The following TAX1BP1 variants were observed in gnomAD, a reference collection of about 807,000 sequenced individuals.
The protein encoded by TAX1BP1 is tax1-binding protein 1.
Under a neutral mutation model 97.7 loss-of-function variants are expected in TAX1BP1, and 62 were observed. That is an observed-to-expected ratio of 0.63 (90% CI 0.52 to 0.78). TAX1BP1 has a LOEUF of 0.78. Among genes scored for constraint, TAX1BP1 ranks in the 30% least tolerant of loss-of-function variants. TAX1BP1 has a pLI of 0.00. For missense variants in TAX1BP1, 867 were observed against 916.1 expected (o/e 0.95, Z 0.69); for synonymous variants, 340 against 304.2 (o/e 1.12, Z -1.23).
chr7:27,809,352 T>C (rs1790464702), intron 13 of TAX1BP1, among the ~76,000 whole-genome samples: 1 of 152,154 alleles, frequency 6.6e-6, no homozygotes, highest in African/African-American at 2.4e-5. Flanking sequence ...ACCACAACCA[T>C]TACTGTGTTT....
intron 3 of TAX1BP1, among the ~76,000 whole-genome samples, chr7:27,759,934 ATC>A (rs1043479910): frequency 8.6e-5 from 13 of 151,524 alleles, no homozygotes; most frequent in African/African-American, 3.2e-4. Flanking sequence ...GTTCACTGCA[ATC>A]TCTGCCTGCT....
chr7:27,753,247 C>A (rs1002842141), intron 2 of TAX1BP1, among the ~76,000 whole-genome samples: 1 of 152,084 alleles, frequency 6.6e-6, no homozygotes, highest in Non-Finnish European at 1.5e-5. Context: ...TTGCAGTGAG[C>A]AGAGATTGTA....
chr7:27,816,729 A>G (rs760457420), intron 14 of TAX1BP1, among the ~76,000 whole-genome samples, 161 bp from the exon 15 acceptor site: 1 of 152,242 alleles, frequency 6.6e-6, no homozygotes, highest in Non-Finnish European at 1.5e-5. Context: ...TACTTATTGC[A>G]TATAGTTCAC....
chr7:27,747,266 C>T (rs769634430), intron 1 of TAX1BP1, among the ~76,000 whole-genome samples: 4 of 152,006 alleles, frequency 2.6e-5, no homozygotes, highest in Non-Finnish European at 5.9e-5. Context: ...TTGGGTAAAT[C>T]CTCATTTGTT....
chr7:27,799,529 G>T (rs1315597128), intron 12 of TAX1BP1, among the ~76,000 whole-genome samples: 1 of 152,114 alleles, frequency 6.6e-6, no homozygotes, highest in Non-Finnish European at 1.5e-5. Flanking sequence ...TAGTGTTCCA[G>T]AAATGAAGAG....
At chr7:27,762,429 C>T (rs2128310600) in intron 3 of TAX1BP1, among the ~76,000 whole-genome samples, 1 of 152,056 alleles carries the variant, frequency 6.6e-6, no homozygotes, top group East Asian at 1.9e-4. Context: ...TAAGTGGTGA[C>T]TCACACCTGT....
intron 8 of TAX1BP1, 121 bp downstream of exon 8, chr7:27,787,724 C>A: frequency 1.1e-6 from 1 of 910,868 alleles, no homozygotes; most frequent in Non-Finnish European, 1.6e-6. Context: ...ACTTACAAAA[C>A]AGTTGGAAGA....
Position 27,817,151 on chromosome 7 carries a change from G to A in TAX1BP1, c.2085+113G>A, listed in dbSNP as rs533777090. ...CTTTGTGCGTGCATGCGTGTGTGTG[G>A]AAGGAGAGTGTGTGCTTGTGCCTGC... is the stretch of plus-strand genomic sequence containing the variant. On this transcript the variant is annotated intron_variant, in intron 15 of 16. Transcript: ENST00000396319. 1.6e-4 allele frequency: 201 copies of A among 1,281,726 alleles called. 1 individual carries two copies. In the African/African-American group the frequency reaches 2.8e-3, roughly 18 times the overall value. 79.4% of individuals were successfully genotyped at this position (1,281,726 alleles called of 1,614,324 possible). A position where few individuals can be genotyped will look rare whatever the true frequency, so the allele number is the denominator to read the frequency against.
intron 13 of TAX1BP1, among the ~76,000 whole-genome samples, chr7:27,806,334 C>T (rs1238515491): frequency 6.6e-6 from 1 of 151,990 alleles, no homozygotes; most frequent in Non-Finnish European, 1.5e-5. Context: ...GATCCACCCG[C>T]CTCAGCCTTC....
Position 27,787,573 on chromosome 7 carries a change from A to G in TAX1BP1, c.1008A>G (p.Gln336=). 2 of 1,611,928 alleles carry G rather than the reference A, an allele frequency of 1.2e-6. No individual in the cohort carries two copies. The highest frequency in any genetic ancestry group is 1.7e-6 in the Non-Finnish European group (2 of 1,179,076). Reference sequence around the variant, plus strand: ...GTTTGGCTGAAAAGGAAAATCTGCAAAGAACTTTCCTGCTTACAACCTCAA... The same window carrying G: ...GTTTGGCTGAAAAGGAAAATCTGCAGAGAACTTTCCTGCTTACAACCTCAA... The part of the protein sequence containing the change: ...QLCLAEKENL[Q]RTFLLTTSSK... The change falls in exon 8 of 17, where the codon CAA becomes CAG. Residue 336 remains glutamine (Q), a synonymous_variant. Coordinates refer to ENST00000396319, the MANE Select transcript of TAX1BP1 (RefSeq NM_006024.7).
intron 11 of TAX1BP1, 24 bp from the exon 12 acceptor site, chr7:27,796,092 G>C (rs754433097): frequency 6.3e-6 from 10 of 1,574,854 alleles, no homozygotes; most frequent in Non-Finnish European, 8.7e-6. Context: ...CTTTTTAACA[G>C]TCTTATATTC....
Position 27,748,686 on chromosome 7 carries a change from G to A in TAX1BP1, c.162G>A (p.Lys54=). The change falls in exon 2 of 17, where the codon AAG becomes AAA. Residue 54 remains lysine, a splice_region_variant and synonymous_variant. Transcript: ENST00000396319. ...CAAAAGATTGGGTTGGTATATTCAA[G>A]GTAAGAAAGCTTTCTGAATATGTTC... ...PHPKDWVGIF[K]VGWSTARDYY... The A allele has an allele frequency of 4.0e-6, 6 of 1,515,572 alleles. No homozygotes were observed. The highest frequency in any genetic ancestry group is 2.8e-5 in the South Asian group (2 of 72,722). 93.9% of individuals were successfully genotyped at this position (1,515,572 alleles called of 1,614,324 possible).
chr7:27,742,624 T>C (rs4722738), intron 1 of TAX1BP1, among the ~76,000 whole-genome samples: 140,706 of 152,244 alleles, frequency 0.92, 65,212 homozygotes, highest in East Asian at 1. Context: ...TCCCCACACA[T>C]ACCCGGCAAA....
chr7:27,785,851 C>A (rs896605139), intron 7 of TAX1BP1, among the ~76,000 whole-genome samples: 1 of 152,126 alleles, frequency 6.6e-6, no homozygotes, highest in Non-Finnish European at 1.5e-5. Flanking sequence ...TGTATATCAC[C>A]CCTAAAAGTT....
intron 1 of TAX1BP1, among the ~76,000 whole-genome samples, chr7:27,744,585 A>G (rs1169813318): frequency 6.6e-6 from 1 of 152,256 alleles, no homozygotes; most frequent in East Asian, 1.9e-4. Flanking sequence ...TTGGCTTCAT[A>G]TGTTTAATGT....
intron 13 of TAX1BP1, among the ~76,000 whole-genome samples, chr7:27,801,892 G>A (rs1467399005): frequency 1.3e-5 from 2 of 152,202 alleles, no homozygotes; most frequent in East Asian, 1.9e-4. Context: ...TGAATGATAA[G>A]TTTAATTGCC....
intron 4 of TAX1BP1, among the ~76,000 whole-genome samples, chr7:27,769,300 A>G (rs185436929): frequency 5.7e-4 from 86 of 152,126 alleles, no homozygotes; most frequent in African/African-American, 1.8e-3. Context: ...TTTGCATTCA[A>G]GAAGAGGTAC....
intron 2 of TAX1BP1, among the ~76,000 whole-genome samples, chr7:27,755,431 T>G (rs1440306610): frequency 6.6e-6 from 1 of 152,168 alleles, no homozygotes; most frequent in Non-Finnish European, 1.5e-5. Flanking sequence ...TCATATGCTT[T>G]CCTCAACCTA....
chr7:27,785,936 G>A (rs1238194546), intron 7 of TAX1BP1, among the ~76,000 whole-genome samples: 2 of 151,862 alleles, frequency 1.3e-5, no homozygotes, highest in Non-Finnish European at 2.9e-5. Flanking sequence ...GAGGTTTAAT[G>A]GAATTAAGAT....
Sources: allele counts gnomAD v4.1 joint callset (sites outside exome capture counted in the v4.1 genomes callset), GRCh38; gene constraint gnomAD v4.1.1; transcripts MANE v1.5; gene names NCBI Gene and HGNC (gene_info 2026-07-23, HGNC 2026-07-21).